SLC6A8: variants seen among roughly 807,000 people sequenced by gnomAD.
SLC6A8 encodes sodium- and chloride-dependent creatine transporter 1.
SLC6A8 carries 6 observed loss-of-function variants against 48.3 expected under a neutral mutation model. The ratio of observed to expected loss-of-function variants is 0.12; its 90% confidence interval spans 0.07 to 0.25. The LOEUF (loss-of-function observed/expected upper bound fraction) is 0.25, where lower values mean the gene tolerates loss of function less well. SLC6A8 is among the 10% of genes least tolerant of loss of function. The pLI is 1.00. For missense variants in SLC6A8, 260 were observed against 551.5 expected, an observed-to-expected ratio of 0.47 and a Z score of 5.29; for synonymous variants, 245 against 244.0, an observed-to-expected ratio of 1.00 and a Z score of -0.04.
Position 153,696,235 on chromosome X carries a change from G to T in SLC6A8, c.*1021G>T, listed in dbSNP as rs1306491297. ...CTGTCCCTTTGCCACAAGTCTGTGG[G>T]GCAAGAGGCTGCAATATTCCGTCCT... On this transcript the variant is annotated 3_prime_UTR_variant, in exon 13 of 13. Transcript: ENST00000253122. 3.6e-6 allele frequency: 1 copy of T among 280,090 alleles called. No homozygotes were observed. The highest frequency in any genetic ancestry group is 7.0e-6 in the Non-Finnish European group (1 of 143,226). 23.1% of individuals were successfully genotyped at this position (280,090 alleles called of 1,213,427 possible). A position where few individuals can be genotyped will look rare whatever the true frequency, so the allele number is the denominator to read the frequency against.
chrX:153,696,065 AATT>A lies in SLC6A8; in HGVS notation c.*852_*854del, dbSNP rs200806041. 10,725 of 174,351 alleles carry A rather than the reference AATT, an allele frequency of 0.062. 299 individuals are homozygous for A. Among genetic ancestry groups the A allele is most frequent in the Non-Finnish European group, 0.078 (7,259 of 92,762 alleles). 14.4% of individuals were successfully genotyped at this position (174,351 alleles called of 1,213,427 possible). On this transcript the variant is annotated 3_prime_UTR_variant, in exon 13 of 13. Coordinates refer to ENST00000253122, the MANE Select transcript of SLC6A8 (RefSeq NM_005629.4). ...CCTCTGCCCCTAGCCAAGGAGTGTG[AATT>A]TATAGATCTAACTTTCATAGGCAAA... is the stretch of plus-strand genomic sequence containing the variant.
Position 153,695,321 on chromosome X carries a change from C to T in SLC6A8, c.*107C>T. 2.3e-6 allele frequency: 2 copies of T among 860,390 alleles called. No homozygotes were observed. Among genetic ancestry groups the T allele is most frequent in the Non-Finnish European group, 1.7e-6 (1 of 595,253 alleles). 70.9% of individuals were successfully genotyped at this position (860,390 alleles called of 1,213,427 possible). A position where few individuals can be genotyped will look rare whatever the true frequency, so the allele number is the denominator to read the frequency against. ...TGCCTTTCCCTGACACTTTTGGGGT[C>T]TGCCTGGGGGAGGAGGGGAGAAAGC... On this transcript the variant is annotated 3_prime_UTR_variant, in exon 13 of 13. Transcript: ENST00000253122.
At position 153,688,132 on chromosome X, in the gene SLC6A8, G is replaced by C. The variant is rs1377365301; in HGVS notation, c.-443G>C. On this transcript the variant is annotated 5_prime_UTR_variant, in exon 1 of 13. Coordinates refer to ENST00000253122, the MANE Select transcript of SLC6A8 (RefSeq NM_005629.4). ...GGGCCCCGGCCGGGGCGGGGGGCGC[G>C]GGCCACAGGCCCCTGCTCCGGCCGC... The C allele has an allele frequency of 1.0e-5, 1 of 97,307 alleles. No individual in the cohort carries two copies. The highest frequency in any genetic ancestry group is 2.1e-5 in the Non-Finnish European group (1 of 47,626). The allele number at this position is 97,307 out of a possible 1,213,427, so 8.0% of individuals were successfully genotyped here.
At chrX:153,688,896 C>T in intron 1 of SLC6A8, 60 bp downstream of exon 1, 2 of 784,785 alleles carry the variant, frequency 2.5e-6, no homozygotes, top group East Asian at 5.0e-5. Flanking sequence ...CCCGCCCGAC[C>T]CCCGGAGCCG....
intron 4 of SLC6A8, chrX:153,692,663 G>A: frequency 2.9e-6 from 1 of 350,299 alleles, no homozygotes; most frequent in Non-Finnish European, 5.5e-6. Flanking sequence ...AGAAGAGGAG[G>A]GGGACCCGAC....
rs2091493359 is a variant in SLC6A8 at position 153,696,515 on chromosome X, C to T, written c.*1301C>T. 6.1e-6 allele frequency: 2 copies of T among 328,234 alleles called. No individual in the cohort carries two copies. The highest frequency in any genetic ancestry group is 5.9e-6 in the Non-Finnish European group (1 of 168,421). 27.1% of individuals were successfully genotyped at this position (328,234 alleles called of 1,213,427 possible). On this transcript the variant is annotated 3_prime_UTR_variant, in exon 13 of 13. Transcript: ENST00000253122. The stretch of plus-strand genomic sequence containing the variant: ...CAGGGCTGGGGCTGGGTGAGGGTGG[C>T]GGGCCTGCGGGGACATTCTACTGTG...
Position 153,695,713 on chromosome X carries a change from C to T in SLC6A8, c.*499C>T, listed in dbSNP as rs1259200072. The T allele has an allele frequency of 1.2e-5, 2 of 160,847 alleles. No individual in the cohort carries two copies. Among genetic ancestry groups the T allele is most frequent in the African/African-American group, 6.2e-5 (2 of 32,450 alleles). The allele number at this position is 160,847 out of a possible 1,213,427, so 13.3% of individuals were successfully genotyped here. On this transcript the variant is annotated 3_prime_UTR_variant, in exon 13 of 13. Transcript: ENST00000253122. ...GCAAATATTTCAGCTGGGCTATACC[C>T]CTCTCCCCATCCCTGTTATAGAAGC... is the stretch of plus-strand genomic sequence containing the variant.
chrX:153,688,028 C>T lies in SLC6A8; in HGVS notation c.-547C>T, dbSNP rs1348739697. 1.9e-5 allele frequency: 2 copies of T among 106,149 alleles called. No individual in the cohort carries two copies. The highest frequency in any genetic ancestry group is 3.9e-5 in the Non-Finnish European group (2 of 51,657). The allele number at this position is 106,149 out of a possible 1,213,427, so 8.7% of individuals were successfully genotyped here. A position where few individuals can be genotyped will look rare whatever the true frequency, so the allele number is the denominator to read the frequency against. On this transcript the variant is annotated 5_prime_UTR_variant, in exon 1 of 13. Transcript: ENST00000253122. ...CCGGGAAGGAGAGGGCGAGGCGCGC[C>T]CGAGCCGCCGCCGCCGCCGCCACCG...
In SLC6A8 at chrX:153,688,519, C is replaced by A. The variant is rs2091435044; in HGVS notation, c.-56C>A. 10 of 583,238 alleles carry A rather than the reference C, an allele frequency of 1.7e-5. No homozygotes were observed. The highest frequency in any genetic ancestry group is 2.1e-5 in the Non-Finnish European group (10 of 466,089). The allele number at this position is 583,238 out of a possible 1,213,427, so 48.1% of individuals were successfully genotyped here. A position where few individuals can be genotyped will look rare whatever the true frequency, so the allele number is the denominator to read the frequency against. On this transcript the variant is annotated 5_prime_UTR_variant, in exon 1 of 13. Transcript: ENST00000253122. ...GTGCCGCCGGTGCCCCCCGCCTGAC[C>A]GCCGCCCCCCGTGAGGCGCCGCGAC...
chrX:153,695,048 C>A, intron 12 of SLC6A8, 26 bp from the exon 13 acceptor site: 3 of 1,191,005 alleles, frequency 2.5e-6, no homozygotes, highest in South Asian at 3.7e-5. Context: ...ACCCTGGGGG[C>A]TTCAGCATGT....
chrX:153,696,377 C>T lies in SLC6A8; in HGVS notation c.*1163C>T, dbSNP rs781816375. 6.1e-5 allele frequency: 20 copies of T among 330,078 alleles called. No homozygotes were observed. The highest frequency in any genetic ancestry group is 7.1e-5 in the Non-Finnish European group (12 of 169,733). The allele number at this position is 330,078 out of a possible 1,213,427, so 27.2% of individuals were successfully genotyped here. A position where few individuals can be genotyped will look rare whatever the true frequency, so the allele number is the denominator to read the frequency against. ...CCAGGCTTAAGGTGGATGCACTTCC[C>T]GCACCTCCAGTCTTCTGTGTAGCAG... On this transcript the variant is annotated 3_prime_UTR_variant, in exon 13 of 13. Coordinates refer to ENST00000253122, the MANE Select transcript of SLC6A8 (RefSeq NM_005629.4).
At position 153,692,741 on chromosome X, in the gene SLC6A8, C is replaced by G. The variant is rs1557044804; in HGVS notation, c.778-300C>G. On this transcript the variant is annotated intron_variant, in intron 4 of 12. Transcript: ENST00000253122. ...GCACTGCCCACACACTCATACAGCTCTCACTCCCCACGTGCTCCACGCCTC... is the reference window on the plus strand; with the variant it reads ...GCACTGCCCACACACTCATACAGCTGTCACTCCCCACGTGCTCCACGCCTC... The G allele has an allele frequency of 7.2e-6, 3 of 416,625 alleles. No homozygotes were observed. The Admixed American group carries it at 8.6e-5, about 12-fold the overall frequency. 34.3% of individuals were successfully genotyped at this position (416,625 alleles called of 1,213,427 possible).
rs781806055 is a variant in SLC6A8 at position 153,691,542 on chromosome X, C to T, written c.633C>T (p.Ile211=). 1.6e-5 allele frequency: 19 copies of T among 1,210,875 alleles called. No homozygotes were observed. The highest frequency in any genetic ancestry group is 2.3e-4 in the Middle Eastern group (1 of 4,324). Residue 211 remains isoleucine, a synonymous_variant, in exon 3 of 13, where the codon ATC becomes ATT. Coordinates refer to ENST00000253122, the MANE Select transcript of SLC6A8 (RefSeq NM_005629.4). ...DQLADRRSPV[I]EFWENKVLRL... is the part of the protein sequence containing the mutation. The stretch of plus-strand genomic sequence containing the variant: ...TTGCTGACCGCCGGTCCCCTGTCAT[C>T]GAGTTCTGGGAGTGAGTCCGGCACC...
chrX:153,690,365 C>T lies in SLC6A8; in HGVS notation c.263-10C>T. The T allele has an allele frequency of 8.4e-7, 1 of 1,194,091 alleles. No homozygotes were observed. The highest frequency in any genetic ancestry group is 1.1e-6 in the Non-Finnish European group (1 of 885,961). ...GCCACCCTGAGTCCACGCTGTGCCTCCACCCCCAGGTGTGTTCCTTATTCC... is the reference window on the plus strand; with the variant it reads ...GCCACCCTGAGTCCACGCTGTGCCTTCACCCCCAGGTGTGTTCCTTATTCC... On this transcript the variant is annotated splice_polypyrimidine_tract_variant and intron_variant, in intron 1 of 12. Transcript: ENST00000253122.
At chrX:153,695,027 A>T (rs1557045800) in intron 12 of SLC6A8, 47 bp from the exon 13 acceptor site, 1 of 1,172,860 alleles carries the variant, frequency 8.5e-7, no homozygotes. Context: ...CACCGTGGGG[A>T]CGAGCAGGTG....
chrX:153,688,870 C>T, intron 1 of SLC6A8, 34 bp downstream of exon 1: 1 of 961,545 alleles, frequency 1.0e-6, no homozygotes, highest in Non-Finnish European at 1.4e-6. Context: ...CCTCCTCCCC[C>T]AGCAGGCCGC....
At chrX:153,690,812 G>A in intron 2 of SLC6A8, 1 of 318,789 alleles carries the variant, frequency 3.1e-6, no homozygotes, top group Non-Finnish European at 5.7e-6. Flanking sequence ...AGGACGCTGG[G>A]GCACAGACAG....
Position 153,688,031 on chromosome X carries a change from A to AGCCCCC in SLC6A8, c.-541_-540insCCCGCC, listed in dbSNP as rs1234244536. The AGCCCCC allele has an allele frequency of 9.9e-6, 1 of 101,054 alleles. No individual in the cohort carries two copies. The highest frequency in any genetic ancestry group is 3.7e-5 in the African/African-American group (1 of 27,215). The allele number at this position is 101,054 out of a possible 1,213,427, so 8.3% of individuals were successfully genotyped here. On this transcript the variant is annotated 5_prime_UTR_variant, in exon 1 of 13. Coordinates refer to ENST00000253122, the MANE Select transcript of SLC6A8 (RefSeq NM_005629.4). ...GGAAGGAGAGGGCGAGGCGCGCCCG[A>AGCCCCC]GCCGCCGCCGCCGCCGCCACCGCCG...
At chrX:153,692,213 C>T (rs1557044612) in intron 4 of SLC6A8, 106 bp downstream of exon 4, 11 of 848,484 alleles carry the variant, frequency 1.3e-5, no homozygotes, top group African/African-American at 2.0e-5. Context: ...GAGTCTAGCC[C>T]TAAGGAAGGG....
Sources: gnomAD v4.1 joint callset for allele counts on GRCh38, gnomAD v4.1.1 for gene constraint, MANE v1.5 for transcripts, NCBI Gene and HGNC (gene_info 2026-07-23, HGNC 2026-07-21) for gene names.